The following GPC6 variants were observed in gnomAD, a reference collection of about 807,000 sequenced individuals.
The protein encoded by GPC6 is glypican 6.
GPC6 carries 14 observed loss-of-function variants against 55.2 expected under a neutral mutation model. The ratio of observed to expected loss-of-function variants is 0.25; its 90% CI spans 0.17 to 0.40. The LOEUF (loss-of-function observed/expected upper bound fraction) is 0.40. Among genes scored for constraint, GPC6 ranks in the 10% least tolerant of loss-of-function variants. GPC6 has a pLI of 1.00. For synonymous variants in GPC6, 278 were observed against 259.6 expected, an observed-to-expected ratio of 1.07 and a Z score of -0.68; for missense variants, 641 against 708.5, an observed-to-expected ratio of 0.90 and a Z score of 1.08.
At chr13:93,670,947 A>C (rs1881333525) in intron 2 of GPC6, among the ~76,000 whole-genome samples, 1 of 152,210 alleles carries the variant, frequency 6.6e-6, no homozygotes, top group Admixed American at 6.5e-5. Context: ...AATTTTAAAG[A>C]GCAAAGCGTC....
intron 8 of GPC6, among the ~76,000 whole-genome samples, chr13:94,399,009 A>G (rs983390285): frequency 6.6e-6 from 1 of 152,172 alleles, no homozygotes; most frequent in Non-Finnish European, 1.5e-5. Flanking sequence ...TTCCCACCAA[A>G]AGAAGAAAGC....
intron 8 of GPC6, among the ~76,000 whole-genome samples, chr13:94,402,597 T>C (rs1350698591): frequency 6.6e-6 from 1 of 152,144 alleles, no homozygotes; most frequent in Admixed American, 6.5e-5. Flanking sequence ...CTTTCCTGGT[T>C]GGTTGTATTA....
At chr13:93,992,289 GATA>G (rs1161558202) in intron 3 of GPC6, among the ~76,000 whole-genome samples, 1 of 151,666 alleles carries the variant, frequency 6.6e-6, no homozygotes, top group African/African-American at 2.4e-5. Flanking sequence ...TTGTATTTAA[GATA>G]ATGTTAATTA....
intron 4 of GPC6, among the ~76,000 whole-genome samples, chr13:94,094,090 G>A (rs537340820): frequency 6.6e-6 from 1 of 152,060 alleles, no homozygotes; most frequent in South Asian, 2.1e-4. Context: ...TTAGTGCTAA[G>A]TTTATATGAG....
chr13:93,904,701 A>C (rs897575062), intron 3 of GPC6, among the ~76,000 whole-genome samples: 1 of 152,152 alleles, frequency 6.6e-6, no homozygotes, highest in African/African-American at 2.4e-5. Flanking sequence ...ATGCCACTGC[A>C]CTCCAGCCTG....
intron 3 of GPC6, among the ~76,000 whole-genome samples, chr13:93,913,816 G>T (rs1185501355): frequency 2.0e-5 from 3 of 152,192 alleles, no homozygotes; most frequent in African/African-American, 7.2e-5. Flanking sequence ...GAAGCTTCAA[G>T]ATGTTTTAAG....
rs191073037 is a variant in GPC6, at chr13:93,323,445, G to C, written c.160+95829G>C. Among the ~76,000 whole-genome samples the C allele has an allele frequency of 7.6e-4, 116 of 151,956 alleles. 2 individuals are homozygous for C. The highest frequency in any genetic ancestry group is 2.5e-3 in the African/African-American group (105 of 41,430). On this transcript the variant is annotated intron_variant, in intron 1 of 8. Transcript: ENST00000377047. ...TTTTCTTCCTTTTCCTTTCTTTTCT[G>C]CCATCCAAACTTCCACCTCATTTCT...
At chr13:93,441,373 T>A (rs1221944676) in intron 1 of GPC6, among the ~76,000 whole-genome samples, 1 of 152,146 alleles carries the variant, frequency 6.6e-6, no homozygotes, top group African/African-American at 2.4e-5. Context: ...CCTGACTTTT[T>A]AATGATCCCC....
intron 6 of GPC6, among the ~76,000 whole-genome samples, chr13:94,311,819 G>C (rs577894269): frequency 8.1e-4 from 123 of 152,266 alleles, no homozygotes; most frequent in Non-Finnish European, 1.6e-3. Flanking sequence ...AGGGGACAGG[G>C]AAGACAAATA....
chr13:93,738,059 G>A (rs1451923879), intron 2 of GPC6, among the ~76,000 whole-genome samples: 7 of 152,144 alleles, frequency 4.6e-5, no homozygotes, highest in Admixed American at 2.0e-4. Flanking sequence ...AACTTGATAC[G>A]TCATAGGATA....
chr13:94,227,299 G>A (rs988651133), intron 4 of GPC6, among the ~76,000 whole-genome samples: 4 of 152,290 alleles, frequency 2.6e-5, no homozygotes, highest in Non-Finnish European at 4.4e-5. Flanking sequence ...AAAGAAGAGC[G>A]TTAGTGTCTG....
chr13:93,830,425 C>G lies in GPC6; in HGVS notation c.591C>G (p.Leu197=). The stretch of plus-strand genomic sequence containing the variant: ...GTGTGAGCAAATACACTGACCAGCT[C>G]AAGCCATTTGGAGACGTGCCCCGGA... ...LECVSKYTDQ[L]KPFGDVPRKL... Residue 197 remains leucine (L), a synonymous_variant, in exon 3 of 9, where the codon CTC becomes CTG. Transcript: ENST00000377047. 6.2e-7 allele frequency: 1 copy of G among 1,613,890 alleles called. No homozygotes were observed. The highest frequency in any genetic ancestry group is 8.5e-7 in the Non-Finnish European group (1 of 1,179,944).
At chr13:94,235,428 C>T (rs1890851223) in intron 4 of GPC6, among the ~76,000 whole-genome samples, 1 of 152,124 alleles carries the variant, frequency 6.6e-6, no homozygotes. Context: ...CATTGAGCGG[C>T]CTTACTTTAC....
At chr13:93,760,300 T>C (rs1264014696) in intron 2 of GPC6, among the ~76,000 whole-genome samples, 3 of 152,142 alleles carry the variant, frequency 2.0e-5, no homozygotes, top group South Asian at 2.1e-4. Context: ...CTTCTCAGGA[T>C]TGGAGAATAC....
At chr13:94,121,589 C>T (rs1886631666) in intron 4 of GPC6, among the ~76,000 whole-genome samples, 1 of 152,034 alleles carries the variant, frequency 6.6e-6, no homozygotes, top group Non-Finnish European at 1.5e-5. Context: ...AATTAGGATA[C>T]ACGGCAATAC....
chr13:93,931,430 C>T lies in GPC6; in HGVS notation c.712-96299C>T, dbSNP rs1878164885. 5.0e-5 allele frequency among the ~76,000 whole-genome samples: 4 copies of T among 79,560 alleles called. No individual in the cohort carries two copies. In the South Asian group the frequency reaches 2.4e-3, roughly 49 times the overall value. The allele number at this position is 79,560 out of a possible 152,430, so 52.2% of individuals were successfully genotyped here. ...TAGAGGCCACAGGGGAAATACCATA[C>T]ACAGGCAAAAAAAAAAAAAAAAAAA... On this transcript the variant is annotated intron_variant, in intron 3 of 8. Coordinates refer to ENST00000377047, the MANE Select transcript of GPC6 (RefSeq NM_005708.5).
At position 94,164,283 on chromosome 13, in the gene GPC6, G is replaced by A. The variant is rs192307356; in HGVS notation, c.878-122066G>A. Among the ~76,000 whole-genome samples, 160 of 152,212 alleles carry A rather than the reference G, an allele frequency of 1.1e-3. 2 individuals carry two copies. Among genetic ancestry groups the A allele is most frequent in the African/African-American group, 3.8e-3 (157 of 41,516 alleles). On this transcript the variant is annotated intron_variant, in intron 4 of 8. Transcript: ENST00000377047. ...CTACTTAATATTGGGATACAACTTT[G>A]TAGTTTGCACATTACTTCCAGACTC...
In GPC6 at chr13:93,737,356, A is replaced by G. The variant is rs79388177; in HGVS notation, c.320-92798A>G. 5.9e-3 allele frequency among the ~76,000 whole-genome samples: 895 copies of G among 152,160 alleles called. 5 individuals carry two copies. Among genetic ancestry groups the G allele is most frequent in the African/African-American group, 0.02 (851 of 41,550 alleles). Reference sequence around the variant, plus strand: ...GAAAGTGCTTAAGATTTTTCCTACAACTGTGCCATGTTTTCTAATCTTCTG... The same window carrying G: ...GAAAGTGCTTAAGATTTTTCCTACAGCTGTGCCATGTTTTCTAATCTTCTG... On this transcript the variant is annotated intron_variant, in intron 2 of 8. Coordinates refer to ENST00000377047, the MANE Select transcript of GPC6 (RefSeq NM_005708.5).
intron 1 of GPC6, among the ~76,000 whole-genome samples, chr13:93,286,505 AAC>A (rs1878131861): frequency 6.6e-6 from 1 of 152,180 alleles, no homozygotes; most frequent in South Asian, 2.1e-4. Context: ...TAATGACTCT[AAC>A]ACATCTTGTA....
Sources: gnomAD v4.1 joint callset for allele counts (sites outside exome capture counted in the v4.1 genomes callset) on GRCh38, gnomAD v4.1.1 for gene constraint, MANE v1.5 for transcripts, NCBI Gene and HGNC (gene_info 2026-07-23, HGNC 2026-07-21) for gene names.